C1orf54: variants seen among roughly 807,000 people sequenced by gnomAD.
The protein encoded by C1orf54 is uncharacterized protein C1orf54.
A neutral mutation model predicts 14.7 loss-of-function variants in C1orf54; 12 were observed. The ratio of observed to expected loss-of-function variants is 0.82; its 90% CI spans 0.52 to 1.32. The LOEUF (loss-of-function observed/expected upper bound fraction) is 1.32, where lower values mean the gene tolerates loss of function less well. C1orf54 is among the 40% of genes most tolerant of loss of function. The probability of loss-of-function intolerance (pLI) is 0.00; values close to 1 mark genes in which losing one functional copy is unlikely to be tolerated. For synonymous variants in C1orf54, 65 were observed against 56.3 expected (o/e 1.16, Z -0.70); for missense variants, 163 against 162.2 (o/e 1.00, Z -0.03).
At chr1:150,276,965 AAC>A (rs1237507646) in intron 4 of C1orf54, among the ~76,000 whole-genome samples, 3 of 152,228 alleles carry the variant, frequency 2.0e-5, no homozygotes, top group Non-Finnish European at 2.9e-5. Flanking sequence ...AAGTTTACGA[AAC>A]ACTTAGAACA....
upstream of C1orf54, chr1:150,269,059 A>C: frequency 4.5e-6 from 2 of 443,264 alleles, no homozygotes; most frequent in East Asian, 4.3e-5. Context: ...CTCCCATCTA[A>C]TCCCCACCCC....
At chr1:150,280,447 C>G (rs1417055919) in intron 5 of C1orf54, among the ~76,000 whole-genome samples, 1 of 152,226 alleles carries the variant, frequency 6.6e-6, no homozygotes, top group Non-Finnish European at 1.5e-5. Flanking sequence ...TAGTTCCAGC[C>G]TGGCCACGTT....
chr1:150,272,691 C>A (rs1205150567), upstream of C1orf54: 1 of 940,084 alleles, frequency 1.1e-6, no homozygotes. Context: ...GGAGTTCTGC[C>A]CCCTGGGAGG....
rs1233481929 is a variant in C1orf54, at chr1:150,279,657, C to T, written c.315C>T (p.Asn105=). The change falls in exon 5 of 6, where the codon AAC becomes AAT. Residue 105 remains asparagine (N), a synonymous_variant. Coordinates refer to ENST00000369099, the MANE Select transcript of C1orf54 (RefSeq NM_024579.4). ...PVTTEPSPDL[N]DAVSSLRSPI... Reference sequence around the variant, plus strand: ...TATTTTAGCAGAGTCCAGATCTGAACGATGCCGTGTCCAGTTTGCGAAGTC... The same window carrying T: ...TATTTTAGCAGAGTCCAGATCTGAATGATGCCGTGTCCAGTTTGCGAAGTC... 1.9e-6 allele frequency: 3 copies of T among 1,612,112 alleles called. No homozygotes were observed. The highest frequency in any genetic ancestry group is 1.7e-4 in the Middle Eastern group (1 of 6,060).
upstream of C1orf54, chr1:150,268,786 A>G: frequency 1.2e-6 from 2 of 1,613,736 alleles, no homozygotes; most frequent in Non-Finnish European, 1.7e-6. Context: ...ACGAAAGTGC[A>G]GCCGAAAAAC....
chr1:150,274,386 G>T (rs372746612), intron 2 of C1orf54, among the ~76,000 whole-genome samples: 3 of 150,506 alleles, frequency 2.0e-5, no homozygotes, highest in South Asian at 2.1e-4. Context: ...GGATCACGAG[G>T]TCAGGAGATC....
At chr1:150,280,775 T>C in intron 5 of C1orf54, 60 bp from the exon 6 acceptor site, 1 of 1,347,218 alleles carries the variant, frequency 7.4e-7, no homozygotes, top group Non-Finnish European at 1.0e-6. Context: ...GTGGGGGGCA[T>C]GAAGGGGTTT....
In C1orf54 at chr1:150,276,564, A is replaced by G. The variant is rs781850515; in HGVS notation, c.232A>G (p.Ile78Val). The G allele has an allele frequency of 1.6e-5, 26 of 1,614,178 alleles. No individual in the cohort carries two copies. In the South Asian group the frequency reaches 2.4e-4, roughly 15 times the overall value. ...KDITEAIETT[I>V]SLETARADHP... ...CATAACAGAAGCAATAGAGACTACCATTAGTCTTGAAACAGCACGTGCAGA... is the reference window on the plus strand; with the variant it reads ...CATAACAGAAGCAATAGAGACTACCGTTAGTCTTGAAACAGCACGTGCAGA... The change falls in exon 4 of 6, where the codon ATT (isoleucine) becomes GTT (valine). Residue 78 changes from isoleucine to valine, a missense_variant. Transcript: ENST00000369099.
intron 3 of C1orf54, 79 bp downstream of exon 3, chr1:150,275,878 T>C (rs1652605289): frequency 7.6e-7 from 1 of 1,307,352 alleles, no homozygotes; most frequent in Non-Finnish European, 1.1e-6. Context: ...GGCTCATGCC[T>C]ATAATCCCAG....
chr1:150,274,114 T>A lies in C1orf54; in HGVS notation c.74T>A (p.Leu25Gln). 1.2e-6 allele frequency: 2 copies of A among 1,612,414 alleles called. No homozygotes were observed. Among genetic ancestry groups the A allele is most frequent in the Non-Finnish European group, 1.7e-6 (2 of 1,178,492 alleles). Residue 25 changes from leucine to glutamine, a missense_variant, in exon 2 of 6, where the codon CTG becomes CAG. Transcript: ENST00000369099. ...LGQEYEDEERLGEDEYYQVVY... is the reference protein window; with the variant it reads ...LGQEYEDEERQGEDEYYQVVY... ...CAAGAATATGAGGATGAAGAAAGACTGGGAGAGGATGAATATTATCAGGTG... is the reference window on the plus strand; with the variant it reads ...CAAGAATATGAGGATGAAGAAAGACAGGGAGAGGATGAATATTATCAGGTG...
In C1orf54 at chr1:150,274,377, G is replaced by A. The variant is rs1652460009; in HGVS notation, c.130+207G>A. On this transcript the variant is annotated intron_variant, in intron 2 of 5. Transcript: ENST00000369099. ...GCACTTTGGGAGGCTGAGGCGGGCG[G>A]ATCACGAGGTCAGGAGATCGAGACC... Among the ~76,000 whole-genome samples, 5 of 152,048 alleles carry A rather than the reference G, an allele frequency of 3.3e-5. No homozygotes were observed. In the Middle Eastern group the frequency reaches 0.01, roughly 310 times the overall value.
At chr1:150,272,788 T>A, upstream of C1orf54, 1 of 1,613,518 alleles carries the variant, frequency 6.2e-7, no homozygotes. Context: ...TTTCCTTTTT[T>A]ACTTTCACAG....
chr1:150,272,071 C>G (rs1222359546), upstream of C1orf54, among the ~76,000 whole-genome samples: 1 of 151,806 alleles, frequency 6.6e-6, no homozygotes, highest in Non-Finnish European at 1.5e-5. Context: ...ACCCGGGAGG[C>G]AGAGGTTGCA....
At chr1:150,280,789 G>C (rs1653040425) in intron 5 of C1orf54, 46 bp from the exon 6 acceptor site, 19 of 1,487,792 alleles carry the variant, frequency 1.3e-5, no homozygotes, top group Non-Finnish European at 1.7e-5. Flanking sequence ...GGGGTTTCTC[G>C]GGTCTCCTGA....
At chr1:150,280,450 G>A (rs1553853199) in intron 5 of C1orf54, among the ~76,000 whole-genome samples, 2 of 152,200 alleles carry the variant, frequency 1.3e-5, no homozygotes, top group African/African-American at 2.4e-5. Context: ...TTCCAGCCTG[G>A]CCACGTTTCA....
rs781984719 is a variant in C1orf54, at chr1:150,276,594, C to G, written c.262C>G (p.Pro88Ala). 4.3e-6 allele frequency: 7 copies of G among 1,614,002 alleles called. No individual in the cohort carries two copies. In the South Asian group the frequency reaches 4.4e-5, roughly 10 times the overall value. The change falls in exon 4 of 6, where the codon CCG (proline) becomes GCG (alanine). Residue 88 changes from proline (P) to alanine (A), a missense_variant. By Grantham distance (27) the Pro-to-Ala change is conservative. Transcript: ENST00000369099. ...TCTTGAAACAGCACGTGCAGACCAT[C>G]CGAAGCCTGTAACTGTGAAACCAGT... ...ISLETARADH[P>A]KPVTVKPVTT... is the part of the protein sequence containing the mutation.
At chr1:150,276,382 T>C in intron 3 of C1orf54, 140 bp from the exon 4 acceptor site, 1 of 648,930 alleles carries the variant, frequency 1.5e-6, no homozygotes. Flanking sequence ...TATGCAAGCA[T>C]AGGGTAGGGG....
At chr1:150,280,114 T>C (rs1460186185) in intron 5 of C1orf54, among the ~76,000 whole-genome samples, 2 of 152,092 alleles carry the variant, frequency 1.3e-5, no homozygotes, top group Non-Finnish European at 2.9e-5. Flanking sequence ...GTCCCAGCTA[T>C]TGGGGGGGAT....
At chr1:150,279,765 G>A in intron 5 of C1orf54, 24 bp downstream of exon 5, 1 of 1,564,180 alleles carries the variant, frequency 6.4e-7, no homozygotes, top group Non-Finnish European at 8.8e-7. Context: ...CACTGGCTTT[G>A]GGGGAGTCTG....
Sources: gnomAD v4.1 joint callset for allele counts (sites outside exome capture counted in the v4.1 genomes callset) on GRCh38, gnomAD v4.1.1 for gene constraint, MANE v1.5 for transcripts, NCBI Gene and HGNC (gene_info 2026-07-23, HGNC 2026-07-21) for gene names.